Variants in KIF23 observed in about 807,000 individuals in gnomAD.
The protein encoded by KIF23 is kinesin-like protein KIF23.
Under a neutral mutation model 137.5 loss-of-function variants are expected in KIF23, and 30 were observed. That is an observed-to-expected ratio of 0.22 (90% CI 0.16 to 0.30). The LOEUF (loss-of-function observed/expected upper bound fraction) is 0.30. KIF23 is among the 10% of genes least tolerant of loss of function. KIF23 has a pLI of 1.00. For synonymous variants in KIF23, 367 were observed against 391.1 expected (o/e 0.94, Z 0.73); for missense variants, 920 against 1,194.3 (o/e 0.77, Z 3.38).
Position 69,439,960 on chromosome 15 carries a change from A to G in KIF23, c.1812A>G (p.Gln604=), listed in dbSNP as rs574843758. 14 of 1,614,026 alleles carry G rather than the reference A, an allele frequency of 8.7e-6. No homozygotes were observed. Among genetic ancestry groups the G allele is most frequent in the Non-Finnish European group, 1.2e-5 (14 of 1,180,016 alleles). ...ATGAGGAAGATAAACGCAATTTGCA[A>G]CAGGAACTTGAAACTCAGAACCAGA... ...TIYEEDKRNL[Q]QELETQNQKL... Residue 604 remains glutamine, a synonymous_variant, in exon 17 of 24, where the codon CAA becomes CAG. Coordinates refer to ENST00000679126, the MANE Select transcript of KIF23 (RefSeq NM_001367805.3).
intron 10 of KIF23, among the ~76,000 whole-genome samples, chr15:69,426,813 C>A (rs894860300): frequency 6.6e-6 from 1 of 152,146 alleles, no homozygotes; most frequent in Non-Finnish European, 1.5e-5. Flanking sequence ...AGTTCTACAT[C>A]TATAGATTCA....
chr15:69,447,586 T>C (rs1200442984), intron 23 of KIF23, among the ~76,000 whole-genome samples: 4 of 152,060 alleles, frequency 2.6e-5, no homozygotes, highest in South Asian at 2.1e-4. Context: ...ATTTAGAAAA[T>C]TGTTGCAGCA....
At chr15:69,421,570 C>A in intron 3 of KIF23, 77 bp from the exon 4 acceptor site, 1 of 880,708 alleles carries the variant, frequency 1.1e-6, no homozygotes, top group Middle Eastern at 2.2e-4. Context: ...TCATAAACAC[C>A]TTAAGTTTAA....
intron 3 of KIF23, among the ~76,000 whole-genome samples, chr15:69,421,388 CA>C (rs1039506296): frequency 6.7e-6 from 1 of 149,126 alleles, no homozygotes; most frequent in Non-Finnish European, 1.5e-5. Context: ...AACTCTGTCT[CA>C]AAAAAAAAGA....
chr15:69,428,890 A>G (rs2057281628), intron 10 of KIF23, among the ~76,000 whole-genome samples: 1 of 152,088 alleles, frequency 6.6e-6, no homozygotes, highest in African/African-American at 2.4e-5. Flanking sequence ...CTGATGCAGA[A>G]GGAAGACCAG....
Position 69,416,060 on chromosome 15 carries a change from T to A in KIF23, c.78T>A (p.Val26=), listed in dbSNP as rs748122634. ...CCCAAACGAACCTTAAAGACCCAGT[T>A]GGGGTAAGGTATCCCTGTAAATTTA... The part of the protein sequence containing the change: ...KGSQTNLKDP[V]GVYCRVRPLG... Residue 26 remains valine (V), a synonymous_variant, in exon 2 of 24, where the codon GTT becomes GTA. Transcript: ENST00000679126. The A allele has an allele frequency of 6.4e-7, 1 of 1,569,784 alleles. No individual in the cohort carries two copies. The highest frequency in any genetic ancestry group is 2.3e-5 in the East Asian group (1 of 43,504).
intron 20 of KIF23, among the ~76,000 whole-genome samples, chr15:69,445,701 TC>T (rs1410046176): frequency 3.3e-5 from 5 of 152,184 alleles, no homozygotes; most frequent in Non-Finnish European, 5.9e-5. Context: ...TGTAGAAACT[TC>T]CAGCAAATTT....
rs13613 is a variant in KIF23 at position 69,448,011 on chromosome 15, A to G, written c.*204A>G. Reference sequence around the variant, plus strand: ...TAGTATTCAACAAACCTTGTATAGTATATGTTTTGCCATATTTAATATTAA... The same window carrying G: ...TAGTATTCAACAAACCTTGTATAGTGTATGTTTTGCCATATTTAATATTAA... On this transcript the variant is annotated 3_prime_UTR_variant, in exon 24 of 24. Transcript: ENST00000679126. 0.89 allele frequency: 352,930 copies of G among 396,298 alleles called. 160,750 individuals are homozygous for G. The highest frequency in any genetic ancestry group is 0.97 in the Non-Finnish European group (215,245 of 221,516). The allele number at this position is 396,298 out of a possible 1,614,324, so 24.5% of individuals were successfully genotyped here.
chr15:69,446,960 T>A lies in KIF23; in HGVS notation c.2909+19T>A. ...AACCCAAGTGAGTACTGACTGTAAT[T>A]GGGGTCTTGCTGTGTGCTTTTTTCC... On this transcript the variant is annotated intron_variant, in intron 23 of 23. Coordinates refer to ENST00000679126, the MANE Select transcript of KIF23 (RefSeq NM_001367805.3). 6.2e-7 allele frequency: 1 copy of A among 1,610,668 alleles called. No individual in the cohort carries two copies. Among genetic ancestry groups the A allele is most frequent in the Non-Finnish European group, 8.5e-7 (1 of 1,176,782 alleles).
Position 69,429,164 on chromosome 15 carries a change from T to G in KIF23, c.1065T>G (p.Ser355Arg). 6.2e-7 allele frequency: 1 copy of G among 1,613,604 alleles called. No individual in the cohort carries two copies. Among genetic ancestry groups the G allele is most frequent in the Non-Finnish European group, 8.5e-7 (1 of 1,179,620 alleles). Residue 355 changes from serine to arginine, a missense_variant, in exon 11 of 24, where the codon AGT (serine) becomes AGG (arginine). By Grantham distance (110) the Ser-to-Arg change is moderately radical. Around this residue, in one of 4 missense-constraint regions of KIF23, gnomAD observed 714 missense variants for 866.2 expected, o/e 0.82. Transcript: ENST00000679126. ...SQLSLVDLAG[S>R]ERTNRTRAEG... ...TGTCCTTGGTAGATCTTGCTGGAAG[T>G]GAAAGAACTAACCGGACCAGAGCAG... is the stretch of plus-strand genomic sequence containing the variant.
At chr15:69,423,030 C>G in intron 6 of KIF23, 129 bp from the exon 7 acceptor site, 1 of 627,588 alleles carries the variant, frequency 1.6e-6, no homozygotes, top group Non-Finnish European at 2.8e-6. Flanking sequence ...AGTTCCTGAT[C>G]TCAGGTGATC....
chr15:69,442,721 G>A (rs2057650261), intron 19 of KIF23, among the ~76,000 whole-genome samples: 1 of 152,210 alleles, frequency 6.6e-6, no homozygotes, highest in African/African-American at 2.4e-5. Flanking sequence ...TTCAAGGCTT[G>A]CGTATGCCTT....
At position 69,431,183 on chromosome 15, in the gene KIF23, G is replaced by A. The variant is rs73426088; in HGVS notation, c.1114+1970G>A. 6.3e-3 allele frequency among the ~76,000 whole-genome samples: 960 copies of A among 152,302 alleles called. 7 individuals carry two copies. The highest frequency in any genetic ancestry group is 0.022 in the African/African-American group (906 of 41,568). ...TGAGGAGAAGCAGTTTTAGGAGCAG[G>A]TATAGGCAGGTAATGAGTTGTATTT... On this transcript the variant is annotated intron_variant, in intron 11 of 23. Transcript: ENST00000679126.
intron 3 of KIF23, among the ~76,000 whole-genome samples, chr15:69,420,347 C>T (rs191440444): frequency 6.6e-6 from 1 of 152,164 alleles, no homozygotes; most frequent in Admixed American, 6.5e-5. Context: ...GAAGTTTCAC[C>T]TTCGGGCCTC....
intron 16 of KIF23, 83 bp from the exon 17 acceptor site, chr15:69,439,821 A>G (rs775169909): frequency 5.8e-6 from 6 of 1,043,170 alleles, no homozygotes; most frequent in Non-Finnish European, 8.1e-6. Context: ...ATATGCTTGC[A>G]TAAGCAAATT....
In KIF23 at chr15:69,417,424, G is replaced by A. The variant is rs1371084300; in HGVS notation, c.123G>A (p.Glu41=). The A allele has an allele frequency of 1.9e-6, 3 of 1,613,332 alleles. No individual in the cohort carries two copies. Among genetic ancestry groups the A allele is most frequent in the African/African-American group, 2.7e-5 (2 of 74,936 alleles). ...RVRPLGFPDQ[E]CCIEVINNTT... is the part of the protein sequence containing the mutation. ...GCCCACTGGGCTTTCCTGATCAAGA[G>A]TGTTGCATAGAAGTGATCAATAATA... The change falls in exon 3 of 24, where the codon GAG becomes GAA. Residue 41 remains glutamate, a synonymous_variant. Coordinates refer to ENST00000679126, the MANE Select transcript of KIF23 (RefSeq NM_001367805.3).
In KIF23 at chr15:69,422,415, T is replaced by A. The variant is rs771074172; in HGVS notation, c.543T>A (p.Asn181Lys). 10 of 1,593,600 alleles carry A rather than the reference T, an allele frequency of 6.3e-6. No individual in the cohort carries two copies. The East Asian group carries it at 2.0e-4, about 32-fold the overall frequency. ...GTCAGAAAAGAGAAGCTATGCCCAATCCAAAGACTTCTTCTAGCAAGTAAG... is the reference window on the plus strand; with the variant it reads ...GTCAGAAAAGAGAAGCTATGCCCAAACCAAAGACTTCTTCTAGCAAGTAAG... ...LERQKREAMPNPKTSSSKRQV... is the reference protein window; with the variant it reads ...LERQKREAMPKPKTSSSKRQV... Residue 181 changes from asparagine (N) to lysine (K), a missense_variant, in exon 6 of 24, where the codon AAT becomes AAA. Asn to Lys is a moderately conservative substitution (Grantham distance 94). Coordinates refer to ENST00000679126, the MANE Select transcript of KIF23 (RefSeq NM_001367805.3).
In KIF23 at chr15:69,447,872, A is replaced by G. The variant is rs976936584; in HGVS notation, c.*65A>G. 4 of 1,542,900 alleles carry G rather than the reference A, an allele frequency of 2.6e-6. No individual in the cohort carries two copies. Among genetic ancestry groups the G allele is most frequent in the Non-Finnish European group, 3.6e-6 (4 of 1,118,156 alleles). ...TGGATGATTTCTCGAAAGCCATGCC[A>G]GAAGCAGTCTTCCAGGTCATCTTGT... On this transcript the variant is annotated 3_prime_UTR_variant, in exon 24 of 24. Coordinates refer to ENST00000679126, the MANE Select transcript of KIF23 (RefSeq NM_001367805.3).
intron 4 of KIF23, 51 bp downstream of exon 4, chr15:69,421,803 T>G: frequency 7.2e-7 from 1 of 1,384,992 alleles, no homozygotes; most frequent in Non-Finnish European, 1.0e-6. Context: ...TCTCCTCTTC[T>G]GATAAAACTT....
Sources: allele counts gnomAD v4.1 joint callset (sites outside exome capture counted in the v4.1 genomes callset), GRCh38; gene constraint gnomAD v4.1.1; regional missense constraint gnomAD v4.1.1; transcripts MANE v1.5; gene names NCBI Gene and HGNC (gene_info 2026-07-23, HGNC 2026-07-21).